HABP4: variants seen among roughly 807,000 people sequenced by gnomAD.
HABP4 encodes the protein hyaluronan binding protein 4.
Under a neutral mutation model 44.1 loss-of-function variants are expected in HABP4, and 32 were observed. The observed-to-expected ratio is 0.73, with a 90% confidence interval of 0.55 to 0.97. The LOEUF (loss-of-function observed/expected upper bound fraction) is 0.97, where lower values mean the gene tolerates loss of function less well. HABP4 is among the 50% of genes least tolerant of loss of function. The pLI, the probability that HABP4 is intolerant of heterozygous loss-of-function variation, is 0.00. For synonymous variants in HABP4, 216 were observed against 218.0 expected, an observed-to-expected ratio of 0.99 and a Z score of 0.08; for missense variants, 503 against 561.9, an observed-to-expected ratio of 0.90 and a Z score of 1.06.
chr9:96,453,801 T>A (rs1057190470), intron 1 of HABP4, among the ~76,000 whole-genome samples: 2 of 152,236 alleles, frequency 1.3e-5, no homozygotes, highest in Admixed American at 1.3e-4. Context: ...GTGCTTGCAT[T>A]CTCCACTTGG....
Position 96,458,496 on chromosome 9 carries a change from C to CAG in HABP4, c.472_473dup (p.Gln159GlyfsTer25). ...TACAGGGAATACCGACCCTATGAGA[C>CAG]AGAGAGGCAGGCAGACTTCACAGCT... On this transcript the variant is annotated frameshift_variant, in exon 2 of 8. Transcript: ENST00000375249. LOFTEE classifies it high-confidence loss of function. 1 of 1,613,330 alleles carries CAG rather than the reference C, an allele frequency of 6.2e-7. No homozygotes were observed. The highest frequency in any genetic ancestry group is 8.5e-7 in the Non-Finnish European group (1 of 1,179,298).
At position 96,465,811 on chromosome 9, in the gene HABP4, G is replaced by A. The variant is rs749107755; in HGVS notation, c.743+33G>A. On this transcript the variant is annotated intron_variant, in intron 4 of 7. Coordinates refer to ENST00000375249, the MANE Select transcript of HABP4 (RefSeq NM_014282.4). ...GTAAGTGTGTGCCCTCTGAGAACCT[G>A]CAATTAAGTGGAAATCTCTGGATCT... The A allele has an allele frequency of 2.9e-5, 33 of 1,130,124 alleles. 1 individual carries two copies. In the Middle Eastern group the frequency reaches 5.4e-3, roughly 186 times the overall value. 70.0% of individuals were successfully genotyped at this position (1,130,124 alleles called of 1,614,324 possible). A position where few individuals can be genotyped will look rare whatever the true frequency, so the allele number is the denominator to read the frequency against.
intron 2 of HABP4, among the ~76,000 whole-genome samples, chr9:96,464,972 G>C (rs993982654): frequency 1.3e-5 from 2 of 152,034 alleles, no homozygotes; most frequent in African/African-American, 4.8e-5. Flanking sequence ...TTTTGAGTAA[G>C]GAAACTAGAT....
At chr9:96,470,721 C>T (rs1353450364) in intron 4 of HABP4, among the ~76,000 whole-genome samples, 1 of 151,724 alleles carries the variant, frequency 6.6e-6, no homozygotes, top group Non-Finnish European at 1.5e-5. Context: ...TGGTGAAACC[C>T]TGTCTCTACC....
chr9:96,458,004 T>G (rs1006747092), intron 1 of HABP4, among the ~76,000 whole-genome samples: 30 of 152,214 alleles, frequency 2.0e-4, no homozygotes, highest in Admixed American at 6.5e-4. Context: ...ATATAGGGTA[T>G]TCTTTCATTT....
At chr9:96,458,257 T>C (rs1832433637) in intron 1 of HABP4, 122 bp from the exon 2 acceptor site, 5 of 1,016,270 alleles carry the variant, frequency 4.9e-6, no homozygotes, top group Non-Finnish European at 7.6e-6. Flanking sequence ...TTTCTAAACT[T>C]CCTGAATTCT....
At chr9:96,473,086 TAG>T (rs771370610) in intron 5 of HABP4, among the ~76,000 whole-genome samples, 1 of 152,240 alleles carries the variant, frequency 6.6e-6, no homozygotes, top group Non-Finnish European at 1.5e-5. Context: ...TCTCTTTCTG[TAG>T]AGTTTCTTTA....
chr9:96,471,234 C>G (rs1291048175), intron 5 of HABP4, 140 bp downstream of exon 5: 4 of 612,920 alleles, frequency 6.5e-6, no homozygotes, highest in African/African-American at 5.6e-5. Flanking sequence ...CCTCCACTTC[C>G]TGGGTTCAAG....
intron 2 of HABP4, among the ~76,000 whole-genome samples, chr9:96,465,004 C>T (rs1436207753): frequency 6.6e-6 from 1 of 152,072 alleles, no homozygotes; most frequent in Non-Finnish European, 1.5e-5. Flanking sequence ...AAGGAATGCC[C>T]CATTCAGATT....
At position 96,484,600 on chromosome 9, in the gene HABP4, C is replaced by A; in HGVS notation, c.966C>A (p.Ala322=). 6.3e-7 allele frequency: 1 copy of A among 1,595,442 alleles called. No homozygotes were observed. The highest frequency in any genetic ancestry group is 8.6e-7 in the Non-Finnish European group (1 of 1,163,146). ...RKPESTVPSK[A]VVIHKSKYRD... is the part of the protein sequence containing the mutation. ...CAGAATCCACTGTTCCTTCCAAAGC[C>A]GTGGTGATTCACAAGTCAAAATACA... The change falls in exon 6 of 8, where the codon GCC becomes GCA. Residue 322 remains alanine (A), a synonymous_variant. Coordinates refer to ENST00000375249, the MANE Select transcript of HABP4 (RefSeq NM_014282.4).
chr9:96,489,529 C>T (rs1022295488), intron 7 of HABP4, among the ~76,000 whole-genome samples: 5 of 152,292 alleles, frequency 3.3e-5, no homozygotes, highest in Admixed American at 2.0e-4. Context: ...CTTGCCTGAC[C>T]TTGGTGTCCA....
rs571791278 is a variant in HABP4 at position 96,465,275 on chromosome 9, T to A, written c.513-62T>A. On this transcript the variant is annotated intron_variant, in intron 2 of 7. Coordinates refer to ENST00000375249, the MANE Select transcript of HABP4 (RefSeq NM_014282.4). ...ATAACCATGATTTTCTTTTAGAATTTTTTTCTGGAGAGACCTTAGACCTTT... is the reference window on the plus strand; with the variant it reads ...ATAACCATGATTTTCTTTTAGAATTATTTTCTGGAGAGACCTTAGACCTTT... The A allele has an allele frequency of 1.4e-5, 15 of 1,058,118 alleles. No homozygotes were observed. The African/African-American group carries it at 2.2e-4, about 16-fold the overall frequency. The allele number at this position is 1,058,118 out of a possible 1,614,324, so 65.5% of individuals were successfully genotyped here.
intron 7 of HABP4, among the ~76,000 whole-genome samples, chr9:96,489,741 T>TA (rs1162691220): frequency 6.6e-6 from 1 of 152,138 alleles, no homozygotes; most frequent in East Asian, 1.9e-4. Flanking sequence ...GAACCCCCAG[T>TA]AAGAGCTTGC....
At chr9:96,479,178 T>C (rs545441166) in intron 5 of HABP4, among the ~76,000 whole-genome samples, 36 of 152,312 alleles carry the variant, frequency 2.4e-4, no homozygotes, top group Non-Finnish European at 4.9e-4. Flanking sequence ...AGACTGCTTG[T>C]TTCTCCTTTT....
In HABP4 at chr9:96,488,151, A is replaced by G. The variant is rs778920750; in HGVS notation, c.1062A>G (p.Thr354=). The G allele has an allele frequency of 1.2e-5, 20 of 1,613,350 alleles. No individual in the cohort carries two copies. The highest frequency in any genetic ancestry group is 1.7e-5 in the Non-Finnish European group (20 of 1,179,276). ...HVFRKPANDI[T]SQLEINFGNL... Reference sequence around the variant, plus strand: ...TCCGGAAACCCGCCAATGACATCACATCCCAGCTGGAGATTAATTTTGGTA... The same window carrying G: ...TCCGGAAACCCGCCAATGACATCACGTCCCAGCTGGAGATTAATTTTGGTA... Residue 354 remains threonine, a synonymous_variant, in exon 7 of 8, where the codon ACA becomes ACG. Transcript: ENST00000375249. This position sits in a 1 kb window ranked among gnomAD's most constrained non-coding sequence, Gnocchi z 4.6.
At position 96,450,291 on chromosome 9, in the gene HABP4, T is replaced by C. The variant is rs771995885; in HGVS notation, c.12T>C (p.Ala4=). MKG[A]LGSPVAAAGA... The stretch of plus-strand genomic sequence containing the variant: ...GTGGTCGCGGCGGCATGAAGGGCGC[T>C]CTGGGGAGTCCCGTGGCTGCCGCTG... The change falls in exon 1 of 8, where the codon GCT becomes GCC. Residue 4 remains alanine, a synonymous_variant. Coordinates refer to ENST00000375249, the MANE Select transcript of HABP4 (RefSeq NM_014282.4). The surrounding 1 kb of genome is among the most constrained non-coding windows in gnomAD (Gnocchi z 4.8). 1.4e-5 allele frequency: 21 copies of C among 1,455,366 alleles called. No individual in the cohort carries two copies. Among genetic ancestry groups the C allele is most frequent in the South Asian group, 1.4e-4 (11 of 77,550 alleles). The allele number at this position is 1,455,366 out of a possible 1,614,324, so 90.2% of individuals were successfully genotyped here.
At chr9:96,487,007 A>AT (rs892619011) in intron 6 of HABP4, among the ~76,000 whole-genome samples, 20 of 152,066 alleles carry the variant, frequency 1.3e-4, no homozygotes, top group Non-Finnish European at 2.2e-4. Flanking sequence ...GCCTGTTACT[A>AT]TTTTTTGTGT....
At chr9:96,479,585 C>G (rs1468920958) in intron 5 of HABP4, among the ~76,000 whole-genome samples, 1 of 151,910 alleles carries the variant, frequency 6.6e-6, no homozygotes, top group Non-Finnish European at 1.5e-5. Context: ...TCTCAGTTCA[C>G]TGCAACCTCC....
chr9:96,481,372 G>A (rs568363756), intron 5 of HABP4, among the ~76,000 whole-genome samples: 1 of 152,210 alleles, frequency 6.6e-6, no homozygotes, highest in East Asian at 1.9e-4. Context: ...GATTATAGGT[G>A]TGAGCCACCG....
Sources: allele counts gnomAD v4.1 joint callset (sites outside exome capture counted in the v4.1 genomes callset), GRCh38; gene constraint gnomAD v4.1.1; non-coding constraint Gnocchi (gnomAD v3.1); transcripts MANE v1.5; gene names NCBI Gene and HGNC (gene_info 2026-07-23, HGNC 2026-07-21).